The following AUTS2 variants were observed in gnomAD, a reference collection of about 807,000 sequenced individuals.
The protein encoded by AUTS2 is activator of transcription and developmental regulator AUTS2.
Under a neutral mutation model 112.4 loss-of-function variants are expected in AUTS2, and 17 were observed. That is an observed-to-expected ratio of 0.15 (90% CI 0.10 to 0.23). The LOEUF is 0.23. AUTS2 is among the 10% of genes least tolerant of loss of function. The pLI, the probability that AUTS2 is intolerant of heterozygous loss-of-function variation, is 1.00. For missense variants in AUTS2, 1,510 were observed against 1,701.6 expected, an observed-to-expected ratio of 0.89 and a Z score of 1.98; for synonymous variants, 751 against 702.7, an observed-to-expected ratio of 1.07 and a Z score of -1.09.
At chr7:70,090,009 C>CAAAT (rs34279658) in intron 2 of AUTS2, among the ~76,000 whole-genome samples, 16,990 of 144,298 alleles carry the variant, frequency 0.12, 1,065 homozygotes, top group South Asian at 0.23. Context: ...TGTTTCAAAA[C>CAAAT]AAATAAATAA....
At chr7:70,260,399 A>C (rs750493998) in intron 4 of AUTS2, among the ~76,000 whole-genome samples, 7 of 151,900 alleles carry the variant, frequency 4.6e-5, no homozygotes, top group Non-Finnish European at 1.0e-4. Context: ...TAGTTTATAA[A>C]GAATGGGAAT....
At chr7:69,638,688 G>T (rs1266058926) in intron 1 of AUTS2, among the ~76,000 whole-genome samples, 1 of 152,066 alleles carries the variant, frequency 6.6e-6, no homozygotes, top group South Asian at 2.1e-4. Flanking sequence ...CACAGTGGAG[G>T]TTTTAATTTA....
At chr7:69,841,609 C>T (rs907609977) in intron 1 of AUTS2, among the ~76,000 whole-genome samples, 1 of 152,174 alleles carries the variant, frequency 6.6e-6, no homozygotes, top group Non-Finnish European at 1.5e-5. Flanking sequence ...GTGGGTCATT[C>T]TCAAGAAAAC....
intron 1 of AUTS2, among the ~76,000 whole-genome samples, chr7:69,726,494 G>T (rs1001442267): frequency 6.7e-6 from 1 of 149,626 alleles, no homozygotes; most frequent in African/African-American, 2.5e-5. Flanking sequence ...AAGCTGTAAT[G>T]ATCAGTCTTG....
intron 4 of AUTS2, among the ~76,000 whole-genome samples, chr7:70,163,087 A>G (rs1025354358): frequency 6.6e-6 from 1 of 151,848 alleles, no homozygotes; most frequent in Non-Finnish European, 1.5e-5. Flanking sequence ...AGGCAGGATC[A>G]GGTTTGGGAG....
chr7:69,620,759 T>C (rs1793617868), intron 1 of AUTS2, among the ~76,000 whole-genome samples: 1 of 152,184 alleles, frequency 6.6e-6, no homozygotes, highest in Non-Finnish European at 1.5e-5. Flanking sequence ...GAAAATGAGT[T>C]TTTGTTAATA....
At chr7:70,690,779 A>G (rs1046739930) in intron 5 of AUTS2, among the ~76,000 whole-genome samples, 1 of 152,142 alleles carries the variant, frequency 6.6e-6, no homozygotes, top group African/African-American at 2.4e-5. Context: ...CCTGGTCAGT[A>G]TAGGAAGACC....
At chr7:69,692,269 T>G (rs1299328945) in intron 1 of AUTS2, among the ~76,000 whole-genome samples, 1 of 152,218 alleles carries the variant, frequency 6.6e-6, no homozygotes, top group Middle Eastern at 3.2e-3. Context: ...TAACCACACC[T>G]TTGGAAGACT....
At chr7:70,276,750 C>T (rs1204134851) in intron 4 of AUTS2, among the ~76,000 whole-genome samples, 2 of 152,092 alleles carry the variant, frequency 1.3e-5, no homozygotes, top group Admixed American at 1.3e-4. Context: ...ATAGGTCTCT[C>T]AGTTGCAGGC....
intron 4 of AUTS2, among the ~76,000 whole-genome samples, chr7:70,377,325 AATATATATATATATATATATATATATAT>A (rs58244266): frequency 0.012 from 638 of 52,092 alleles, 33 homozygotes; most frequent in East Asian, 0.053. Context: ...AACAAATATA[AATATATATATATATATATATATATATAT>A]ATATATATAT....
intron 6 of AUTS2, among the ~76,000 whole-genome samples, chr7:70,735,913 A>G (rs1451082339): frequency 6.6e-6 from 1 of 152,148 alleles, no homozygotes; most frequent in Admixed American, 6.5e-5. Context: ...ATCCAAATTA[A>G]TTTGGAAGTT....
chr7:69,875,196 T>G (rs1793678545), intron 1 of AUTS2, among the ~76,000 whole-genome samples: 1 of 152,154 alleles, frequency 6.6e-6, no homozygotes, highest in South Asian at 2.1e-4. Context: ...TGCCAGTATA[T>G]CAAATAAGTA....
intron 2 of AUTS2, among the ~76,000 whole-genome samples, chr7:70,011,398 A>C: frequency 7.6e-6 from 1 of 131,792 alleles, no homozygotes; most frequent in African/African-American, 2.9e-5. Context: ...TCCCACTTCT[A>C]CCCTCATTTA....
intron 5 of AUTS2, among the ~76,000 whole-genome samples, chr7:70,655,340 G>A (rs993723995): frequency 6.6e-6 from 1 of 152,210 alleles, no homozygotes; most frequent in African/African-American, 2.4e-5. Context: ...AGCTTACAAA[G>A]TAAAGACATT....
chr7:69,816,889 C>CA lies in AUTS2; in HGVS notation c.310-82396dup, dbSNP rs558122115. On this transcript the variant is annotated intron_variant, in intron 1 of 18. Coordinates refer to ENST00000342771, the MANE Select transcript of AUTS2 (RefSeq NM_015570.4). ...AAAGTATGTCATTCACTCATTCGTT[C>CA]AGCAAGTTCTTGGTGGCATGGGCTT... Among the ~76,000 whole-genome samples, 14 of 152,310 alleles carry CA rather than the reference C, an allele frequency of 9.2e-5. No homozygotes were observed. In the South Asian group the frequency reaches 2.5e-3, roughly 27 times the overall value.
rs1325874127 is a variant in AUTS2 at position 69,599,460 on chromosome 7, C to T, written c.-194C>T. 5 of 459,980 alleles carry T rather than the reference C, an allele frequency of 1.1e-5. No individual in the cohort carries two copies. Among genetic ancestry groups the T allele is most frequent in the Non-Finnish European group, 1.7e-5 (5 of 289,628 alleles). The allele number at this position is 459,980 out of a possible 1,614,324, so 28.5% of individuals were successfully genotyped here. On this transcript the variant is annotated 5_prime_UTR_variant, in exon 1 of 19. Transcript: ENST00000342771. The surrounding 1 kb of genome is among the most constrained non-coding windows in gnomAD (Gnocchi z 7.0). Reference sequence around the variant, plus strand: ...CTCCCCGTCCCTCCTCCCCTCTCTCCGCCCCTTCCCCCTTTTCTTTCTCCT... The same window carrying T: ...CTCCCCGTCCCTCCTCCCCTCTCTCTGCCCCTTCCCCCTTTTCTTTCTCCT...
intron 2 of AUTS2, among the ~76,000 whole-genome samples, chr7:69,926,425 ATCTATCTG>A (rs1462811826): frequency 3.1e-5 from 4 of 130,876 alleles, no homozygotes; most frequent in Admixed American, 2.3e-4. Flanking sequence ...TTGCTCTGAA[ATCTATCTG>A]TCTGTCTGTC....
At chr7:69,930,501 C>A (rs80020433) in intron 2 of AUTS2, among the ~76,000 whole-genome samples, 5,187 of 151,356 alleles carry the variant, frequency 0.034, 130 homozygotes, top group Middle Eastern at 0.087. Flanking sequence ...TTGTTTCCTG[C>A]ATCTCAGAGA....
At chr7:70,787,049 C>A in intron 17 of AUTS2, 160 bp from the exon 18 acceptor site, 1 of 774,360 alleles carries the variant, frequency 1.3e-6, no homozygotes, top group Non-Finnish European at 2.2e-6. Context: ...GACAAGACTT[C>A]CTCTAATGAA....
Sources: allele counts gnomAD v4.1 joint callset (sites outside exome capture counted in the v4.1 genomes callset), GRCh38; gene constraint gnomAD v4.1.1; non-coding constraint Gnocchi (gnomAD v3.1); transcripts MANE v1.5; gene names NCBI Gene and HGNC (gene_info 2026-07-23, HGNC 2026-07-21).